The following KCNH2 variants were observed in gnomAD, a reference collection of about 807,000 sequenced individuals.
KCNH2 encodes the protein voltage-gated inwardly rectifying potassium channel KCNH2.
Under a neutral mutation model 95.9 loss-of-function variants are expected in KCNH2, and 35 were observed. The observed-to-expected ratio is 0.37, with a 90% confidence interval of 0.28 to 0.48. The LOEUF (loss-of-function observed/expected upper bound fraction) is 0.48. Among genes scored for constraint, KCNH2 ranks in the 20% least tolerant of loss-of-function variants. KCNH2 has a pLI of 0.99. For synonymous variants in KCNH2, 786 were observed against 754.7 expected, an observed-to-expected ratio of 1.04 and a Z score of -0.68; for missense variants, 1,274 against 1,702.9, an observed-to-expected ratio of 0.75 and a Z score of 4.43.
At chr7:150,972,629 G>C (rs1801869542) in intron 2 of KCNH2, among the ~76,000 whole-genome samples, 1 of 152,242 alleles carries the variant, frequency 6.6e-6, no homozygotes, top group African/African-American at 2.4e-5. Flanking sequence ...CTGGCACAGA[G>C]TTTTCTGGGT....
intron 13 of KCNH2, 129 bp downstream of exon 13, chr7:150,947,199 G>A (rs1343667225): frequency 8.9e-7 from 1 of 1,123,548 alleles, no homozygotes; most frequent in East Asian, 2.6e-5. Context: ...CCCCAGCTGG[G>A]CTAGGAATGG....
intron 9 of KCNH2, 64 bp from the exon 10 acceptor site, chr7:150,949,113 T>A: frequency 6.8e-7 from 1 of 1,462,656 alleles, no homozygotes; most frequent in East Asian, 2.4e-5. Context: ...AGCAGGCACC[T>A]TCTCCCGGCA....
chr7:150,958,888 C>T (rs1413446977), intron 3 of KCNH2, among the ~76,000 whole-genome samples: 2 of 152,220 alleles, frequency 1.3e-5, no homozygotes, highest in South Asian at 2.1e-4. Context: ...GGGGCCCTGC[C>T]GTCAGGGGTG....
chr7:150,945,482 G>A lies in KCNH2; in HGVS notation c.3363C>T (p.Pro1121=), dbSNP rs1197210267. 1.9e-6 allele frequency: 3 copies of A among 1,560,220 alleles called. No individual in the cohort carries two copies. The highest frequency in any genetic ancestry group is 1.2e-5 in the South Asian group (1 of 84,700). ...CTTGGGGAAGCTCTGGGGCCCCCGG[G>A]GGCAGCTCCTCACACGCCATGAACT... is the stretch of plus-strand genomic sequence containing the variant. ...VSQFMACEEL[P]PGAPELPQEG... The change falls in exon 15 of 15, where the codon CCC becomes CCT. Residue 1121 remains proline (P), a synonymous_variant. Coordinates refer to ENST00000262186, the MANE Select transcript of KCNH2 (RefSeq NM_000238.4). The surrounding 1 kb of genome is among the most constrained non-coding windows in gnomAD (Gnocchi z 5.6).
chr7:150,947,767 G>A lies in KCNH2; in HGVS notation c.2804C>T (p.Pro935Leu). 1 of 1,540,570 alleles carries A rather than the reference G, an allele frequency of 6.5e-7. No individual in the cohort carries two copies. The highest frequency in any genetic ancestry group is 1.2e-5 in the South Asian group (1 of 84,172). ...GPWGESPSSG[P>L]SSPESSEDEG... is the part of the protein sequence containing the mutation. ...ATCCTCACTGCTCTCAGGGCTGGAG[G>A]GGCCACTGGACGGGCTCTCCCCCCA... The change falls in exon 12 of 15, where the codon CCC (proline) becomes CTC (leucine). Residue 935 changes from proline to leucine, a missense_variant. By Grantham distance (98) the Pro-to-Leu change is moderately conservative. Transcript: ENST00000262186.
intron 2 of KCNH2, among the ~76,000 whole-genome samples, chr7:150,971,772 C>T (rs1202961885): frequency 6.6e-6 from 1 of 151,780 alleles, no homozygotes; most frequent in African/African-American, 2.4e-5. Flanking sequence ...AAGGTGGGCA[C>T]AGTCAGGCTG....
At position 150,945,319 on chromosome 7, in the gene KCNH2, C is replaced by A; in HGVS notation, c.*46G>T. On this transcript the variant is annotated 3_prime_UTR_variant, in exon 15 of 15. Coordinates refer to ENST00000262186, the MANE Select transcript of KCNH2 (RefSeq NM_000238.4). This position sits in a 1 kb window ranked among gnomAD's most constrained non-coding sequence, Gnocchi z 5.6. ...GCCTCCAAGGGGAGCGGCCCAGCAGCGCCTTGATCCCTGGGTGAGCCACGT... is the reference window on the plus strand; with the variant it reads ...GCCTCCAAGGGGAGCGGCCCAGCAGAGCCTTGATCCCTGGGTGAGCCACGT... 1 of 1,556,860 alleles carries A rather than the reference C, an allele frequency of 6.4e-7. No individual in the cohort carries two copies. Among genetic ancestry groups the A allele is most frequent in the East Asian group, 2.4e-5 (1 of 42,172 alleles).
At chr7:150,967,970 G>A (rs896749401) in intron 2 of KCNH2, among the ~76,000 whole-genome samples, 1 of 152,208 alleles carries the variant, frequency 6.6e-6, no homozygotes. Context: ...ATTAAAATGA[G>A]CAAAGGACAT....
In KCNH2 at chr7:150,962,556, G is replaced by T. The variant is rs1021355586; in HGVS notation, c.308-2820C>A. On this transcript the variant is annotated intron_variant, in intron 2 of 14. Coordinates refer to ENST00000262186, the MANE Select transcript of KCNH2 (RefSeq NM_000238.4). This position sits in a 1 kb window ranked among gnomAD's most constrained non-coding sequence, Gnocchi z 5.7. Reference sequence around the variant, plus strand: ...CATCTCAAAATCCCCTGCCAGGGTCGCAGAAACTCTAGGTATACGCCACCT... The same window carrying T: ...CATCTCAAAATCCCCTGCCAGGGTCTCAGAAACTCTAGGTATACGCCACCT... 6.6e-6 allele frequency among the ~76,000 whole-genome samples: 1 copy of T among 151,498 alleles called. No individual in the cohort carries two copies. Among genetic ancestry groups the T allele is most frequent in the Non-Finnish European group, 1.5e-5 (1 of 67,938 alleles).
At position 150,945,272 on chromosome 7, in the gene KCNH2, C is replaced by T. The variant is rs574566447; in HGVS notation, c.*93G>A. 40 of 1,378,068 alleles carry T rather than the reference C, an allele frequency of 2.9e-5. No homozygotes were observed. The highest frequency in any genetic ancestry group is 1.3e-4 in the African/African-American group (9 of 68,964). 85.4% of individuals were successfully genotyped at this position (1,378,068 alleles called of 1,614,324 possible). A position where few individuals can be genotyped will look rare whatever the true frequency, so the allele number is the denominator to read the frequency against. ...GCTTTCGAGTTCCTCTCCCCTTCCA[C>T]GGTCAGGGCCTCCTGAGCAGGGCCT... On this transcript the variant is annotated 3_prime_UTR_variant, in exon 15 of 15. Coordinates refer to ENST00000262186, the MANE Select transcript of KCNH2 (RefSeq NM_000238.4). This position sits in a 1 kb window ranked among gnomAD's most constrained non-coding sequence, Gnocchi z 5.6.
chr7:150,958,589 G>C, intron 3 of KCNH2, 87 bp from the exon 4 acceptor site: 1 of 1,155,776 alleles, frequency 8.7e-7, no homozygotes, highest in Non-Finnish European at 1.2e-6. Flanking sequence ...CCAGCCGCTG[G>C]GTAAGGGAAG....
chr7:150,976,767 C>T (rs1344580376), intron 1 of KCNH2, among the ~76,000 whole-genome samples: 4 of 151,304 alleles, frequency 2.6e-5, no homozygotes, highest in Admixed American at 1.3e-4. Flanking sequence ...CTCGTAGGCC[C>T]GCCCACAGCC....
At chr7:150,955,997 T>A (rs1033246360) in intron 5 of KCNH2, 1 of 270,698 alleles carries the variant, frequency 3.7e-6, no homozygotes, top group African/African-American at 2.3e-5. Flanking sequence ...TCACCGCAGA[T>A]TAATGGTCTC....
At chr7:150,955,084 G>A (rs1042728889) in intron 5 of KCNH2, among the ~76,000 whole-genome samples, 3 of 152,162 alleles carry the variant, frequency 2.0e-5, no homozygotes, top group Non-Finnish European at 4.4e-5. Context: ...GTCCCACTCC[G>A]CCTCCCCACC....
Position 150,947,729 on chromosome 7 carries a change from G to T in KCNH2, c.2842C>A (p.Arg948Ser), listed in dbSNP as rs121912514. ...ACCAGGCGGAGGGGGCTGGAGCTGC[G>T]GCCTGGGCCCTCATCCTCACTGCTC... is the stretch of plus-strand genomic sequence containing the variant. ...PESSEDEGPG[R>S]SSSPLRLVPF... The change falls in exon 12 of 15, where the codon CGC (arginine) becomes AGC (serine). Residue 948 changes from arginine (R) to serine (S), a missense_variant. Arg to Ser is a moderately radical substitution (Grantham distance 110, BLOSUM62 -1). Transcript: ENST00000262186. 2 of 1,565,202 alleles carry T rather than the reference G, an allele frequency of 1.3e-6. No homozygotes were observed. The highest frequency in any genetic ancestry group is 1.2e-5 in the South Asian group (1 of 86,226).
Position 150,945,205 on chromosome 7 carries a change from A to C in KCNH2, c.*160T>G. 2.5e-4 allele frequency: 181 copies of C among 714,434 alleles called. No individual in the cohort carries two copies. Among genetic ancestry groups the C allele is most frequent in the Middle Eastern group, 4.1e-4 (1 of 2,434 alleles). 44.3% of individuals were successfully genotyped at this position (714,434 alleles called of 1,614,324 possible). ...TGCCCCTCTCACTGGGGCCCAGGGG[A>C]CTGCAGGAGAAGATGGTCCCAAGGG... is the stretch of plus-strand genomic sequence containing the variant. On this transcript the variant is annotated 3_prime_UTR_variant, in exon 15 of 15. Coordinates refer to ENST00000262186, the MANE Select transcript of KCNH2 (RefSeq NM_000238.4). This position sits in a 1 kb window ranked among gnomAD's most constrained non-coding sequence, Gnocchi z 5.6.
chr7:150,951,183 C>T (rs1310318654), intron 7 of KCNH2, 63 bp from the exon 8 acceptor site: 7 of 1,395,658 alleles, frequency 5.0e-6, no homozygotes, highest in Non-Finnish European at 6.9e-6. Flanking sequence ...CACAGGGACC[C>T]TGCTCAGGCC....
chr7:150,949,379 T>G, intron 9 of KCNH2: 1 of 1,107,282 alleles, frequency 9.0e-7, no homozygotes, highest in Non-Finnish European at 1.1e-6. Flanking sequence ...AAACCAAAGA[T>G]CAGAACACAG....
At chr7:150,951,271 C>A in intron 7 of KCNH2, 151 bp from the exon 8 acceptor site, 2 of 1,015,942 alleles carry the variant, frequency 2.0e-6, no homozygotes, top group East Asian at 2.4e-5. Flanking sequence ...CCAGCACACC[C>A]CACCCTTCAG....
Sources: allele counts gnomAD v4.1 joint callset (sites outside exome capture counted in the v4.1 genomes callset), GRCh38; gene constraint gnomAD v4.1.1; non-coding constraint Gnocchi (gnomAD v3.1); transcripts MANE v1.5; gene names NCBI Gene and HGNC (gene_info 2026-07-23, HGNC 2026-07-21).